SLA: variants seen among roughly 807,000 people sequenced by gnomAD.
The protein encoded by SLA is Src like adaptor.
A neutral mutation model predicts 30.3 loss-of-function variants in SLA; 16 were observed. The observed-to-expected ratio is 0.53, with a 90% CI of 0.36 to 0.80. The LOEUF (loss-of-function observed/expected upper bound fraction) is 0.80. Ranked by LOEUF, SLA falls within the 30% of genes least tolerant of loss-of-function variation. The pLI, the probability that SLA is intolerant of heterozygous loss-of-function variation, is 0.01. For missense variants in SLA, 310 were observed against 345.2 expected (o/e 0.90, Z 0.81); for synonymous variants, 143 against 137.8 (o/e 1.04, Z -0.26).
rs1460373396 is a variant in SLA, at chr8:133,055,361, GCGCGCACA to G, written c.62-4454_62-4447del. On this transcript the variant is annotated intron_variant, in intron 3 of 8. Transcript: ENST00000338087. ...TCATCTTCAGGACACACACACGCAC[GCGCGCACA>G]CACACACACACACACACACACACAC... 3.1e-3 allele frequency among the ~76,000 whole-genome samples: 407 copies of G among 131,748 alleles called. 3 individuals are homozygous for G. The highest frequency in any genetic ancestry group is 0.01 in the Admixed American group (122 of 12,156). 86.4% of individuals were successfully genotyped at this position (131,748 alleles called of 152,430 possible).
At chr8:133,052,264 G>A (rs927980384) in intron 3 of SLA, among the ~76,000 whole-genome samples, 2 of 152,200 alleles carry the variant, frequency 1.3e-5, no homozygotes, top group Admixed American at 6.5e-5. Flanking sequence ...TATGCTTATC[G>A]ATTGATAAAT....
intron 1 of SLA, among the ~76,000 whole-genome samples, chr8:133,077,018 G>A (rs747124924): frequency 2.6e-5 from 4 of 152,150 alleles, no homozygotes; most frequent in African/African-American, 4.8e-5. Context: ...AAACTCAATG[G>A]GTTGATGGGA....
chr8:133,094,397 C>T (rs150463358), intron 1 of SLA, among the ~76,000 whole-genome samples: 2,912 of 151,960 alleles, frequency 0.019, 39 homozygotes, highest in South Asian at 0.04. Flanking sequence ...CCCGTCACCA[C>T]GCCTGGCTAG....
At chr8:133,057,712 A>C (rs2131301329) in intron 3 of SLA, among the ~76,000 whole-genome samples, 1 of 151,962 alleles carries the variant, frequency 6.6e-6, no homozygotes. Context: ...TTAAGACATT[A>C]GTTCCTGAGA....
rs1304772187 is a variant in SLA, at chr8:133,077,762, TG to T, written c.-318-2633del. 9.9e-5 allele frequency among the ~76,000 whole-genome samples: 15 copies of T among 151,472 alleles called. 1 individual carries two copies. In the South Asian group the frequency reaches 2.9e-3, roughly 29 times the overall value. On this transcript the variant is annotated intron_variant, in intron 1 of 8. Coordinates refer to ENST00000338087, the MANE Select transcript of SLA (RefSeq NM_001045556.3). ...GTGTGTGTGTGTGTGTGTGTGTGTG[TG>T]TGTTTGTATGTGTGTGTGTGCGGCA...
At chr8:133,084,406 C>T (rs938404064) in intron 1 of SLA, among the ~76,000 whole-genome samples, 1 of 152,096 alleles carries the variant, frequency 6.6e-6, no homozygotes, top group Non-Finnish European at 1.5e-5. Flanking sequence ...TACTCATTGA[C>T]AATGGAAGGG....
chr8:133,048,670 A>G (rs1839900539), intron 5 of SLA: 1 of 157,998 alleles, frequency 6.3e-6, no homozygotes, highest in African/African-American at 2.4e-5. Flanking sequence ...GAAGGCATTG[A>G]TGCATGCTTG....
At chr8:133,039,852 T>C (rs1837830646) in intron 8 of SLA, 146 bp downstream of exon 8, 3 of 1,372,068 alleles carry the variant, frequency 2.2e-6, no homozygotes, top group Middle Eastern at 2.6e-4. Flanking sequence ...TGGGGGGTGC[T>C]CACCCCCCAG....
At chr8:133,098,332 T>C (rs1848744283) in intron 1 of SLA, among the ~76,000 whole-genome samples, 1 of 152,238 alleles carries the variant, frequency 6.6e-6, no homozygotes, top group Non-Finnish European at 1.5e-5. Flanking sequence ...ATAAACCCTT[T>C]ATTGAATCAA....
chr8:133,092,980 C>A, intron 1 of SLA, among the ~76,000 whole-genome samples: 1 of 152,230 alleles, frequency 6.6e-6, no homozygotes, highest in Middle Eastern at 3.4e-3. Context: ...TTTTTATAGC[C>A]GAAGGAAATA....
rs557363197 is a variant in SLA, at chr8:133,085,602, A to T, written c.-318-10472T>A. 2.6e-5 allele frequency among the ~76,000 whole-genome samples: 4 copies of T among 152,344 alleles called. No individual in the cohort carries two copies. In the East Asian group the frequency reaches 7.7e-4, roughly 29 times the overall value. ...ACAAATGGGCCCATAAGCATAGCAA[A>T]AGATTCTTAACACTATTAGTCAGTC... On this transcript the variant is annotated intron_variant, in intron 1 of 8. Coordinates refer to ENST00000338087, the MANE Select transcript of SLA (RefSeq NM_001045556.3).
chr8:133,062,179 C>CT (rs1008529810), intron 2 of SLA, among the ~76,000 whole-genome samples: 1 of 152,168 alleles, frequency 6.6e-6, no homozygotes, highest in Non-Finnish European at 1.5e-5. Flanking sequence ...AAATTTGAGG[C>CT]TCGGGCCCTT....
chr8:133,099,314 C>A (rs190002542), intron 1 of SLA, among the ~76,000 whole-genome samples: 1 of 152,228 alleles, frequency 6.6e-6, no homozygotes, highest in African/African-American at 2.4e-5. Context: ...CCTTGGGACA[C>A]GCATTAGTGA....
intron 2 of SLA, among the ~76,000 whole-genome samples, chr8:133,068,456 T>C (rs1461338274): frequency 6.6e-6 from 1 of 152,228 alleles, no homozygotes; most frequent in African/African-American, 2.4e-5. Context: ...GAAGCCAGAT[T>C]TGAGGCCTGT....
intron 1 of SLA, among the ~76,000 whole-genome samples, chr8:133,097,313 C>A (rs1848573453): frequency 6.6e-6 from 1 of 152,158 alleles, no homozygotes; most frequent in Non-Finnish European, 1.5e-5. Context: ...GCAATAAAAG[C>A]TCCAGTTTTA....
intron 2 of SLA, among the ~76,000 whole-genome samples, chr8:133,065,361 C>T (rs1842900137): frequency 6.6e-6 from 1 of 152,242 alleles, no homozygotes. Context: ...GTCTGCCTGG[C>T]TCTAAAACCT....
chr8:133,086,928 C>T (rs1447999926), intron 1 of SLA, among the ~76,000 whole-genome samples: 1 of 152,072 alleles, frequency 6.6e-6, no homozygotes, highest in Non-Finnish European at 1.5e-5. Flanking sequence ...AACCTAAAAT[C>T]CTAAATGTAA....
At chr8:133,071,315 C>A (rs1442766169) in intron 2 of SLA, among the ~76,000 whole-genome samples, 1 of 152,160 alleles carries the variant, frequency 6.6e-6, no homozygotes, top group Non-Finnish European at 1.5e-5. Flanking sequence ...TCGGAGTTTG[C>A]CCAGCTGGAA....
chr8:133,072,555 G>A (rs2703004), intron 2 of SLA, among the ~76,000 whole-genome samples: 92,963 of 152,074 alleles, frequency 0.61, 28,905 homozygotes, highest in East Asian at 0.79. Context: ...TATGCTGGAA[G>A]TTTTGATGGG....
Sources: allele counts gnomAD v4.1 joint callset (sites outside exome capture counted in the v4.1 genomes callset), GRCh38; gene constraint gnomAD v4.1.1; transcripts MANE v1.5; gene names NCBI Gene and HGNC (gene_info 2026-07-23, HGNC 2026-07-21).